The following ZBP1 variants were observed in gnomAD, a reference collection of about 807,000 sequenced individuals.
ZBP1 encodes the protein Z-DNA-binding protein 1.
In ZBP1, 42 loss-of-function variants were observed where a neutral mutation model predicts 41.1. That is an observed-to-expected ratio of 1.02 (90% CI 0.80 to 1.32). ZBP1 has a LOEUF of 1.32. ZBP1 is among the 40% of genes most tolerant of loss of function. ZBP1 has a pLI of 0.00. For synonymous variants in ZBP1, 214 were observed against 205.2 expected, an observed-to-expected ratio of 1.04 and a Z score of -0.37; for missense variants, 562 against 549.7, an observed-to-expected ratio of 1.02 and a Z score of -0.22.
chr20:57,610,569 T>C lies in ZBP1; in HGVS notation c.875-202A>G. 3.3e-6 allele frequency: 2 copies of C among 611,864 alleles called. No individual in the cohort carries two copies. Among genetic ancestry groups the C allele is most frequent in the Admixed American group, 5.8e-5 (2 of 34,648 alleles). The allele number at this position is 611,864 out of a possible 1,614,324, so 37.9% of individuals were successfully genotyped here. On this transcript the variant is annotated intron_variant, in intron 6 of 7. Transcript: ENST00000371173. The surrounding 1 kb of genome is among the most constrained non-coding windows in gnomAD (Gnocchi z 5.5). ...CTGTTGTGCTGTCTGGGAAGCGTCT[T>C]TCTGCTCCACTGATCCCGCAGTGGG...
rs774600480 is a variant in ZBP1, at chr20:57,604,736, T to C, written c.1127A>G (p.His376Arg). The C allele has an allele frequency of 3.7e-6, 6 of 1,613,904 alleles. No homozygotes were observed. The East Asian group carries it at 1.1e-4, about 30-fold the overall frequency. ...RRPADTQSRS[H>R]FPRDIGQPIT... ...GGGCTGACCAATGTCTCGAGGAAAG[T>C]GACTTCTGGATTGTGTGTCTGCGGG... Residue 376 changes from histidine to arginine, a missense_variant, in exon 8 of 8, where the codon CAC (histidine) becomes CGC (arginine). Coordinates refer to ENST00000371173, the MANE Select transcript of ZBP1 (RefSeq NM_030776.3).
intron 5 of ZBP1, 61 bp from the exon 6 acceptor site, chr20:57,611,991 A>T: frequency 6.7e-7 from 1 of 1,499,660 alleles, no homozygotes; most frequent in Non-Finnish European, 9.1e-7. Context: ...CCTTTCCCTC[A>T]CCACCACACG....
intron 7 of ZBP1, among the ~76,000 whole-genome samples, chr20:57,606,658 C>A (rs575503138): frequency 2.6e-5 from 4 of 152,204 alleles, no homozygotes; most frequent in African/African-American, 9.7e-5. Context: ...CAGCTGAAGC[C>A]TCTCCTCAAT....
Position 57,604,597 on chromosome 20 carries a change from C to A in ZBP1, c.1266G>T (p.Gly422=). 6.2e-7 allele frequency: 1 copy of A among 1,614,024 alleles called. No individual in the cohort carries two copies. The highest frequency in any genetic ancestry group is 8.5e-7 in the Non-Finnish European group (1 of 1,179,928). The change falls in exon 8 of 8, where the codon GGG becomes GGT. Residue 422 remains glycine (G), a synonymous_variant. Transcript: ENST00000371173. The part of the protein sequence containing the change: ...SHYVDEASHE[G]SWWGGGI ...ACTAAATCCCACCTCCCCACCAGCT[C>A]CCCTCGTGTGAGGCTTCATCCACAT...
At chr20:57,614,206 T>C (rs1307426749) in intron 4 of ZBP1, among the ~76,000 whole-genome samples, 2 of 152,074 alleles carry the variant, frequency 1.3e-5, no homozygotes, top group African/African-American at 4.8e-5. Context: ...GGCTAATTTT[T>C]GTATTTTTAG....
intron 2 of ZBP1, chr20:57,615,899 GA>G: frequency 1.9e-6 from 1 of 529,436 alleles, no homozygotes; most frequent in Non-Finnish European, 3.3e-6. Flanking sequence ...TGTAAAGCTA[GA>G]AAAGGGGGGC....
Position 57,613,216 on chromosome 20 carries a change from A to G in ZBP1, c.617T>C (p.Ile206Thr). Residue 206 changes from isoleucine to threonine, a missense_variant, in exon 5 of 8, where the codon ATC becomes ACC. Physicochemically the swap from Ile to Thr is moderately conservative, Grantham distance 89. Coordinates refer to ENST00000371173, the MANE Select transcript of ZBP1 (RefSeq NM_030776.3). This position sits in a 1 kb window ranked among gnomAD's most constrained non-coding sequence, Gnocchi z 4.5. ...SWISIANSEA[I>T]QIGHGNIITR... is the part of the protein sequence containing the mutation. Reference sequence around the variant, plus strand: ...AATGATGTTCCCGTGTCCAATCTGGATGGCTTCGGAGTTTGCAATGGAAAT... The same window carrying G: ...AATGATGTTCCCGTGTCCAATCTGGGTGGCTTCGGAGTTTGCAATGGAAAT... The G allele has an allele frequency of 2.5e-6, 4 of 1,614,156 alleles. No homozygotes were observed. In the South Asian group the frequency reaches 4.4e-5, roughly 18 times the overall value.
In ZBP1 at chr20:57,613,436, C is replaced by T; in HGVS notation, c.503-106G>A. On this transcript the variant is annotated intron_variant, in intron 4 of 7. Coordinates refer to ENST00000371173, the MANE Select transcript of ZBP1 (RefSeq NM_030776.3). The surrounding 1 kb of genome is among the most constrained non-coding windows in gnomAD (Gnocchi z 4.5). ...TCTCCTGGGGAGCTTGTTAAAATAC[C>T]CTGGGCGTTCCGAGTCAGTAGGGCC... The T allele has an allele frequency of 7.8e-7, 1 of 1,280,204 alleles. No homozygotes were observed. Among genetic ancestry groups the T allele is most frequent in the Non-Finnish European group, 1.1e-6 (1 of 913,342 alleles). The allele number at this position is 1,280,204 out of a possible 1,614,324, so 79.3% of individuals were successfully genotyped here.
chr20:57,613,021 T>A lies in ZBP1; in HGVS notation c.670+142A>T, dbSNP rs751239003. On this transcript the variant is annotated intron_variant, in intron 5 of 7. Coordinates refer to ENST00000371173, the MANE Select transcript of ZBP1 (RefSeq NM_030776.3). The surrounding 1 kb of genome is among the most constrained non-coding windows in gnomAD (Gnocchi z 4.5). ...CTCATTCTCAGGACGGCCGTAAAGG[T>A]GGACTGTGGGGGTCTGGAAGCAACC... 1 of 1,501,246 alleles carries A rather than the reference T, an allele frequency of 6.7e-7. No homozygotes were observed. The highest frequency in any genetic ancestry group is 8.9e-7 in the Non-Finnish European group (1 of 1,125,720). The allele number at this position is 1,501,246 out of a possible 1,614,324, so 93.0% of individuals were successfully genotyped here. A position where few individuals can be genotyped will look rare whatever the true frequency, so the allele number is the denominator to read the frequency against.
intron 6 of ZBP1, among the ~76,000 whole-genome samples, chr20:57,611,411 A>ATTTTTTTTTTTTTTTTTTTTTTTT (rs3068061): frequency 6.4e-4 from 61 of 95,130 alleles, no homozygotes; most frequent in Middle Eastern, 8.3e-3. Flanking sequence ...TGCCCGGTTA[A>ATTTTTTTTTTTTTTTTTTTTTTTT]TTTTTTTTTT....
Position 57,610,345 on chromosome 20 carries a change from T to G in ZBP1, c.897A>C (p.Pro299=). The part of the protein sequence containing the change: ...SPPVSATAAG[P]EASFEARIPS... ...GAATTCTTGCTTCAAACGAAGCTTC[T>G]GGGCCGGCAGCAGTGGCAGAGACTG... is the stretch of plus-strand genomic sequence containing the variant. The change falls in exon 7 of 8, where the codon CCA becomes CCC. Residue 299 remains proline (P), a synonymous_variant. Coordinates refer to ENST00000371173, the MANE Select transcript of ZBP1 (RefSeq NM_030776.3). This position sits in a 1 kb window ranked among gnomAD's most constrained non-coding sequence, Gnocchi z 5.5. The G allele has an allele frequency of 6.2e-7, 1 of 1,614,176 alleles. No homozygotes were observed. The highest frequency in any genetic ancestry group is 8.5e-7 in the Non-Finnish European group (1 of 1,180,020).
At chr20:57,608,127 A>ATT (rs35089801) in intron 7 of ZBP1, among the ~76,000 whole-genome samples, 41,596 of 146,452 alleles carry the variant, frequency 0.28, 6,953 homozygotes, top group East Asian at 0.56. Context: ...GAGTGTGACC[A>ATT]TTTTTTTTTT....
At position 57,620,366 on chromosome 20, in the gene ZBP1, G is replaced by C; in HGVS notation, c.-71C>G. On this transcript the variant is annotated 5_prime_UTR_variant, in exon 1 of 8. Coordinates refer to ENST00000371173, the MANE Select transcript of ZBP1 (RefSeq NM_030776.3). ...GGCTTCTGCACTGTGGCCCTGAGAG[G>C]GTGGGCTAGGTCGAGGCTGGGGCTT... 6.6e-7 allele frequency: 1 copy of C among 1,526,380 alleles called. No homozygotes were observed. The highest frequency in any genetic ancestry group is 1.2e-5 in the South Asian group (1 of 82,102). The allele number at this position is 1,526,380 out of a possible 1,614,324, so 94.6% of individuals were successfully genotyped here. A position where few individuals can be genotyped will look rare whatever the true frequency, so the allele number is the denominator to read the frequency against.
intron 1 of ZBP1, among the ~76,000 whole-genome samples, chr20:57,619,780 G>C (rs574225439): frequency 6.6e-6 from 1 of 151,946 alleles, no homozygotes; most frequent in South Asian, 2.1e-4. Context: ...AGCATGTTTC[G>C]AGGTGCCTGG....
At chr20:57,609,212 T>A (rs2070580305) in intron 7 of ZBP1, among the ~76,000 whole-genome samples, 1 of 152,184 alleles carries the variant, frequency 6.6e-6, no homozygotes, top group Non-Finnish European at 1.5e-5. Context: ...CCACCTTGCG[T>A]GGACCTGCCC....
chr20:57,620,101 G>C, intron 1 of ZBP1, 161 bp downstream of exon 1: 1 of 814,632 alleles, frequency 1.2e-6, no homozygotes, highest in East Asian at 2.9e-5. Context: ...CTCCCAAAGT[G>C]CTGGGATTAC....
chr20:57,616,129 C>A lies in ZBP1; in HGVS notation c.259+115G>T, dbSNP rs770208270. ...GAAACCAAGGCACAGAGAGAGGAAACCTGTGAGCTCCCATGTGGCAGAGTT... is the reference window on the plus strand; with the variant it reads ...GAAACCAAGGCACAGAGAGAGGAAAACTGTGAGCTCCCATGTGGCAGAGTT... On this transcript the variant is annotated intron_variant, in intron 2 of 7. Coordinates refer to ENST00000371173, the MANE Select transcript of ZBP1 (RefSeq NM_030776.3). 4.9e-4 allele frequency: 470 copies of A among 953,456 alleles called. 1 individual carries two copies. Among genetic ancestry groups the A allele is most frequent in the Non-Finnish European group, 6.8e-4 (428 of 631,214 alleles). 59.1% of individuals were successfully genotyped at this position (953,456 alleles called of 1,614,324 possible).
Position 57,614,629 on chromosome 20 carries a change from T to C in ZBP1, c.502+258A>G, listed in dbSNP as rs536584152. On this transcript the variant is annotated intron_variant, in intron 4 of 7. Coordinates refer to ENST00000371173, the MANE Select transcript of ZBP1 (RefSeq NM_030776.3). ...TCCCTGCACCCCAGAGCTGAGAACATTGGGAATGGGCCACCTCCGTCCCAT... is the reference window on the plus strand; with the variant it reads ...TCCCTGCACCCCAGAGCTGAGAACACTGGGAATGGGCCACCTCCGTCCCAT... Among the ~76,000 whole-genome samples the C allele has an allele frequency of 5.8e-4, 89 of 152,258 alleles. 1 individual carries two copies. The highest frequency in any genetic ancestry group is 1.7e-3 in the African/African-American group (70 of 41,550).
intron 1 of ZBP1, 24 bp downstream of exon 1, chr20:57,620,238 C>T (rs778457029): frequency 3.2e-6 from 5 of 1,577,074 alleles, no homozygotes; most frequent in Middle Eastern, 1.7e-4. Flanking sequence ...TACCGCTGGT[C>T]CTTGGAAGGA....
Sources: gnomAD v4.1 joint callset for allele counts (sites outside exome capture counted in the v4.1 genomes callset) on GRCh38, gnomAD v4.1.1 for gene constraint, Gnocchi (gnomAD v3.1) non-coding constraint, MANE v1.5 for transcripts, NCBI Gene and HGNC (gene_info 2026-07-23, HGNC 2026-07-21) for gene names.